BRI3: variants seen among roughly 807,000 people sequenced by gnomAD.
BRI3 encodes the protein membrane protein BRI3.
A neutral mutation model predicts 12.8 loss-of-function variants in BRI3; 6 were observed. That is an observed-to-expected ratio of 0.47 (90% CI 0.26 to 0.93). BRI3 has a LOEUF of 0.93. Ranked by LOEUF, BRI3 falls within the 40% of genes least tolerant of loss-of-function variation. The probability of loss-of-function intolerance (pLI) is 0.15; values close to 1 mark genes in which losing one functional copy is unlikely to be tolerated. For missense variants in BRI3, 134 were observed against 171.1 expected, an observed-to-expected ratio of 0.78 and a Z score of 1.21; for synonymous variants, 91 against 76.1, an observed-to-expected ratio of 1.20 and a Z score of -1.02.
At chr7:98,283,601 T>TG (rs1341472000) in intron 2 of BRI3, among the ~76,000 whole-genome samples, 1 of 152,022 alleles carries the variant, frequency 6.6e-6, no homozygotes, top group Non-Finnish European at 1.5e-5. Flanking sequence ...TGCACCGGGT[T>TG]GGGGGGCTGG....
At chr7:98,307,494 A>C in intron 1 of BRI3, 4 of 1,431,590 alleles carry the variant, frequency 2.8e-6, no homozygotes, top group African/African-American at 1.4e-5. Flanking sequence ...GCATGCACCA[A>C]ATGTATCTCT....
chr7:98,295,229 G>A (rs1439363458), downstream of BRI3, among the ~76,000 whole-genome samples: 2 of 152,198 alleles, frequency 1.3e-5, no homozygotes, highest in Non-Finnish European at 2.9e-5. Flanking sequence ...ACTGCATGTT[G>A]GGTGTACAGG....
chr7:98,287,171 G>T lies in BRI3; in HGVS notation c.246-3940G>T, dbSNP rs10267284. 3.3e-5 allele frequency among the ~76,000 whole-genome samples: 5 copies of T among 152,368 alleles called. No individual in the cohort carries two copies. In the East Asian group the frequency reaches 9.7e-4, roughly 29 times the overall value. On this transcript the variant is annotated intron_variant, in intron 2 of 2. Coordinates refer to ENST00000297290, the MANE Select transcript of BRI3 (RefSeq NM_015379.5). ...GGACAGCTGGATCTGTCCAGCTCCC[G>T]GGCGGCACTGCAGGGAAACAGGCTC...
upstream of BRI3, chr7:98,304,469 T>G: frequency 4.0e-6 from 5 of 1,255,510 alleles, no homozygotes; most frequent in Non-Finnish European, 5.7e-6. Flanking sequence ...ACAACAGTAA[T>G]AGTACATCAC....
chr7:98,305,719 G>A (rs760919285), upstream of BRI3, among the ~76,000 whole-genome samples: 4 of 152,156 alleles, frequency 2.6e-5, no homozygotes, highest in East Asian at 1.9e-4. Context: ...CACCGTGCCC[G>A]GCCAGTTTCC....
chr7:98,317,236 C>T, the BRI3 span: 2 of 1,614,226 alleles, frequency 1.2e-6, no homozygotes, highest in Non-Finnish European at 1.7e-6. Flanking sequence ...TCTTTGTGTT[C>T]ATATTTGAGT....
At chr7:98,287,373 G>T (rs533429395) in intron 2 of BRI3, among the ~76,000 whole-genome samples, 54 of 152,370 alleles carry the variant, frequency 3.5e-4, no homozygotes, top group African/African-American at 1.3e-3. Flanking sequence ...GCCCAGCCCT[G>T]TGCTCTGGCT....
chr7:98,294,242 C>G (rs1800091726), downstream of BRI3: 2 of 888,558 alleles, frequency 2.3e-6, no homozygotes, highest in Admixed American at 2.2e-5. Flanking sequence ...ATCCTTCCAC[C>G]TTGGCCTCCT....
chr7:98,287,926 A>G (rs1162852725), intron 2 of BRI3, among the ~76,000 whole-genome samples: 2 of 152,062 alleles, frequency 1.3e-5, no homozygotes, highest in Non-Finnish European at 2.9e-5. Flanking sequence ...GGGCCTTTGA[A>G]CAGGCAGTCA....
chr7:98,301,475 G>GTGTATA (rs1554409905), intron 1 of BRI3, among the ~76,000 whole-genome samples: 4 of 142,298 alleles, frequency 2.8e-5, no homozygotes, highest in South Asian at 2.2e-4. Context: ...TTTTTTTTTG[G>GTGTATA]TATATATATA....
At chr7:98,318,434 G>A in the BRI3 span, among the ~76,000 whole-genome samples, 14 of 151,784 alleles carry the variant, frequency 9.2e-5, no homozygotes, top group African/African-American at 3.4e-4. Flanking sequence ...GATTACAGGC[G>A]CACACAACCA....
intron 1 of BRI3, 131 bp from the exon 2 acceptor site, chr7:98,282,219 TG>T: frequency 1.2e-6 from 1 of 867,920 alleles, no homozygotes; most frequent in Non-Finnish European, 1.8e-6. Context: ...AGGCCCGCGG[TG>T]GCCGTCCCGA....
chr7:98,308,979 G>A (rs994021514), exon 2 of BRI3: 3 of 147,420 alleles, frequency 2.0e-5, no homozygotes, highest in Non-Finnish European at 3.0e-5. Flanking sequence ...GCTTCTGGCC[G>A]TTTTTTTTTT....
At chr7:98,306,548 A>G in exon 1 of BRI3, 2 of 1,614,110 alleles carry the variant, frequency 1.2e-6, no homozygotes, top group East Asian at 2.2e-5. Flanking sequence ...AGACCCTATC[A>G]GCAGTAGACA....
downstream of BRI3, among the ~76,000 whole-genome samples, chr7:98,294,891 C>T (rs1041497918): frequency 6.6e-6 from 1 of 152,196 alleles, no homozygotes; most frequent in Non-Finnish European, 1.5e-5. Flanking sequence ...CCACCCAGGG[C>T]GAGCCAGGGC....
At chr7:98,312,303 T>C (rs977195446), downstream of BRI3, 3 of 1,564,994 alleles carry the variant, frequency 1.9e-6, no homozygotes, top group Non-Finnish European at 2.6e-6. Context: ...ACAAAGAAGA[T>C]TGTCTGAAGA....
At chr7:98,292,877 G>T (rs4727391), downstream of BRI3, 2 of 1,443,720 alleles carry the variant, frequency 1.4e-6, no homozygotes, top group Admixed American at 5.4e-5. Context: ...GCTCTCGGAG[G>T]AGATTTCGTC....
chr7:98,307,287 G>T (rs548307384), intron 1 of BRI3: 5 of 563,080 alleles, frequency 8.9e-6, no homozygotes, highest in African/African-American at 4.1e-5. Context: ...TGTATTTTTC[G>T]TAGAGATGGG....
downstream of BRI3, chr7:98,292,005 C>T (rs1799977569): frequency 6.5e-6 from 1 of 153,250 alleles, no homozygotes; most frequent in Admixed American, 6.5e-5. Flanking sequence ...TTCTGTAGTA[C>T]AGACTGGGGT....
Sources: gnomAD v4.1 joint callset for allele counts (sites outside exome capture counted in the v4.1 genomes callset) on GRCh38, gnomAD v4.1.1 for gene constraint, MANE v1.5 for transcripts, NCBI Gene and HGNC (gene_info 2026-07-23, HGNC 2026-07-21) for gene names.